Variants in ROBO2 observed in about 807,000 individuals in gnomAD.
The protein encoded by ROBO2 is roundabout homolog 2.
A neutral mutation model predicts 160.8 loss-of-function variants in ROBO2; 53 were observed. That is an observed-to-expected ratio of 0.33 (90% CI 0.26 to 0.41). The LOEUF is 0.41. Among genes scored for constraint, ROBO2 ranks in the 10% least tolerant of loss-of-function variants. The pLI is 1.00. For synonymous variants in ROBO2, 664 were observed against 611.7 expected, an observed-to-expected ratio of 1.09 and a Z score of -1.26; for missense variants, 1,577 against 1,722.4, an observed-to-expected ratio of 0.92 and a Z score of 1.49.
At chr3:77,473,304 G>A (rs73842887) in intron 2 of ROBO2, among the ~76,000 whole-genome samples, 1 of 151,744 alleles carries the variant, frequency 6.6e-6, no homozygotes, top group Admixed American at 6.6e-5. Context: ...ATAATAAGAA[G>A]AAGAAGAAGA....
At chr3:77,421,251 G>GT (rs2077689162) in intron 2 of ROBO2, among the ~76,000 whole-genome samples, 1 of 152,192 alleles carries the variant, frequency 6.6e-6, no homozygotes, top group East Asian at 1.9e-4. Context: ...GTATTATGTG[G>GT]TTTTTTAAAT....
chr3:77,323,460 C>T (rs955921599), intron 2 of ROBO2, among the ~76,000 whole-genome samples: 1 of 152,078 alleles, frequency 6.6e-6, no homozygotes, highest in African/African-American at 2.4e-5. Flanking sequence ...TGCATTTTGA[C>T]CTGTTCTTTC....
In ROBO2 at chr3:77,259,649, C is replaced by G. The variant is rs149240454; in HGVS notation, c.388+161309C>G. ...GCTGCTGTTCTTAGACAAATAAACC[C>G]TTATTCTCTGAAAGTTTACCTTAGC... On this transcript the variant is annotated intron_variant, in intron 2 of 25. Transcript: ENST00000461745. Among the ~76,000 whole-genome samples the G allele has an allele frequency of 4.5e-4, 68 of 152,140 alleles. No homozygotes were observed. The East Asian group carries it at 0.013, about 29-fold the overall frequency.
intron 2 of ROBO2, among the ~76,000 whole-genome samples, chr3:76,695,128 A>G (rs1304229552): frequency 1.3e-5 from 2 of 152,134 alleles, no homozygotes; most frequent in African/African-American, 2.4e-5. Context: ...CAAAAACACA[A>G]AAAACTTATT....
chr3:76,766,930 G>C (rs1001489465), intron 2 of ROBO2, among the ~76,000 whole-genome samples: 1 of 151,296 alleles, frequency 6.6e-6, no homozygotes, highest in Non-Finnish European at 1.5e-5. Flanking sequence ...TAGCTTACGT[G>C]GGTTGAGAAA....
intron 2 of ROBO2, among the ~76,000 whole-genome samples, chr3:76,650,145 C>A (rs1243146701): frequency 6.6e-6 from 1 of 151,758 alleles, no homozygotes; most frequent in African/African-American, 2.4e-5. Context: ...AAAACAAAAA[C>A]TAAAACAAAA....
chr3:77,211,802 G>A (rs1269654879), intron 2 of ROBO2, among the ~76,000 whole-genome samples: 1 of 152,182 alleles, frequency 6.6e-6, no homozygotes, highest in Admixed American at 6.5e-5. Flanking sequence ...TGGCTACCCA[G>A]TTTCCCCAGC....
intron 2 of ROBO2, among the ~76,000 whole-genome samples, chr3:77,469,724 T>G (rs1024537297): frequency 6.6e-6 from 1 of 152,188 alleles, no homozygotes; most frequent in Non-Finnish European, 1.5e-5. Context: ...GAGGATTCTA[T>G]TTCTTAAATC....
In ROBO2 at chr3:77,219,434, G is replaced by GTGTATATA. The variant is rs1553852643; in HGVS notation, c.388+121095_388+121096insGTATATAT. ...TCATCTTGACTGTGTGTATGTGTGTGTATATATATATATATATATATATAT... is the reference window on the plus strand; with the variant it reads ...TCATCTTGACTGTGTGTATGTGTGTGTGTATATATATATATATATATATATATATATAT... On this transcript the variant is annotated intron_variant, in intron 2 of 25. Coordinates refer to ENST00000461745, the Ensembl canonical transcript of ROBO2. Among the ~76,000 whole-genome samples, 139 of 115,250 alleles carry GTGTATATA rather than the reference G, an allele frequency of 1.2e-3. 1 individual carries two copies. Among genetic ancestry groups the GTGTATATA allele is most frequent in the Non-Finnish European group, 1.8e-3 (100 of 56,038 alleles). The allele number at this position is 115,250 out of a possible 152,430, so 75.6% of individuals were successfully genotyped here.
chr3:76,930,140 C>T (rs941688937), intron 2 of ROBO2, among the ~76,000 whole-genome samples: 1 of 152,108 alleles, frequency 6.6e-6, no homozygotes, highest in East Asian at 1.9e-4. Context: ...TCTCATGATT[C>T]AGCCTCCCCT....
intron 2 of ROBO2, among the ~76,000 whole-genome samples, chr3:77,476,368 A>ATGTGTG (rs60219148): frequency 4.4e-4 from 63 of 144,222 alleles, no homozygotes; most frequent in Middle Eastern, 3.5e-3. Flanking sequence ...GTCTGTGGGT[A>ATGTGTG]TGTGTGTGTG....
chr3:76,502,827 AC>A (rs1297639024), intron 2 of ROBO2, among the ~76,000 whole-genome samples: 1 of 152,198 alleles, frequency 6.6e-6, no homozygotes, highest in African/African-American at 2.4e-5. Context: ...AGAGAAAAAA[AC>A]AAAAGGAATT....
intron 2 of ROBO2, among the ~76,000 whole-genome samples, chr3:77,431,044 T>C (rs1172195898): frequency 6.6e-6 from 1 of 152,252 alleles, no homozygotes; most frequent in African/African-American, 2.4e-5. Context: ...CATCCTGATA[T>C]TAATTACATT....
chr3:76,172,469 A>G (rs1021119662), intron 2 of ROBO2, among the ~76,000 whole-genome samples: 4 of 151,558 alleles, frequency 2.6e-5, no homozygotes, highest in Admixed American at 6.6e-5. Context: ...ACTACTGCCC[A>G]TAAAAGGCAA....
chr3:76,219,303 A>G (rs1181358581), intron 2 of ROBO2, among the ~76,000 whole-genome samples: 1 of 152,354 alleles, frequency 6.6e-6, no homozygotes, highest in East Asian at 1.9e-4. Flanking sequence ...AGCAATGGCA[A>G]CAGAAGCCAA....
At chr3:76,499,656 C>A (rs1336490979) in intron 2 of ROBO2, among the ~76,000 whole-genome samples, 2 of 152,192 alleles carry the variant, frequency 1.3e-5, no homozygotes, top group Non-Finnish European at 2.9e-5. Flanking sequence ...TTACAGGTAA[C>A]TATTCGACCA....
At chr3:76,598,682 G>T (rs2086897557) in intron 2 of ROBO2, among the ~76,000 whole-genome samples, 1 of 152,022 alleles carries the variant, frequency 6.6e-6, no homozygotes, top group Non-Finnish European at 1.5e-5. Context: ...TAAAGTAAAT[G>T]GTGAAGTTTT....
chr3:77,206,272 C>T (rs2083439245), intron 2 of ROBO2, among the ~76,000 whole-genome samples: 1 of 152,158 alleles, frequency 6.6e-6, no homozygotes, highest in South Asian at 2.1e-4. Flanking sequence ...CGGGTTCAAG[C>T]GATTGTCCTG....
At chr3:77,363,344 A>G (rs888306544) in intron 2 of ROBO2, among the ~76,000 whole-genome samples, 4 of 152,218 alleles carry the variant, frequency 2.6e-5, no homozygotes, top group African/African-American at 9.6e-5. Context: ...GGTGGCCTGT[A>G]TATTCTTGTA....
Sources: gnomAD v4.1 joint callset for allele counts (sites outside exome capture counted in the v4.1 genomes callset) on GRCh38, gnomAD v4.1.1 for gene constraint, MANE v1.5 for transcripts, NCBI Gene and HGNC (gene_info 2026-07-23, HGNC 2026-07-21) for gene names.